SCML4: variants seen among roughly 807,000 people sequenced by gnomAD.
SCML4 encodes sex comb on midleg-like protein 4.
A neutral mutation model predicts 41.1 loss-of-function variants in SCML4; 34 were observed. That is an observed-to-expected ratio of 0.83 (90% confidence interval 0.63 to 1.10). SCML4 has a LOEUF of 1.10. Among genes scored for constraint, SCML4 ranks in the 50% least tolerant of loss-of-function variants. The pLI is 0.00. For synonymous variants in SCML4, 214 were observed against 220.9 expected, an observed-to-expected ratio of 0.97 and a Z score of 0.28; for missense variants, 522 against 534.1, an observed-to-expected ratio of 0.98 and a Z score of 0.22.
intron 1 of SCML4, among the ~76,000 whole-genome samples, chr6:107,784,184 G>T (rs188504783): frequency 1.3e-5 from 2 of 152,242 alleles, no homozygotes; most frequent in East Asian, 3.9e-4. Flanking sequence ...GGGCAGAATG[G>T]GAAAACTTGT....
chr6:107,749,870 C>T (rs1778469119), intron 2 of SCML4, 57 bp from the exon 3 acceptor site: 2 of 1,584,908 alleles, frequency 1.3e-6, no homozygotes, highest in South Asian at 2.2e-5. Flanking sequence ...CTACACTCTT[C>T]CAGATTCTGT....
intron 2 of SCML4, among the ~76,000 whole-genome samples, chr6:107,768,086 C>A (rs1160646491): frequency 7.1e-6 from 1 of 140,166 alleles, no homozygotes; most frequent in Non-Finnish European, 1.5e-5. Context: ...CTCGGTGAGA[C>A]TTCATCTGTA....
At chr6:107,714,073 A>G (rs1203568734) in intron 6 of SCML4, among the ~76,000 whole-genome samples, 1 of 152,162 alleles carries the variant, frequency 6.6e-6, no homozygotes, top group Non-Finnish European at 1.5e-5. Flanking sequence ...CACTCACTCT[A>G]TCCAGAGTTT....
chr6:107,814,617 A>G (rs6568504), intron 1 of SCML4, among the ~76,000 whole-genome samples: 31,892 of 152,166 alleles, frequency 0.21, 3,964 homozygotes, highest in African/African-American at 0.34. Flanking sequence ...CAGTGGCACA[A>G]TCTTGGCCCA....
intron 3 of SCML4, among the ~76,000 whole-genome samples, chr6:107,748,869 T>C (rs1778363099): frequency 6.6e-6 from 1 of 151,888 alleles, no homozygotes; most frequent in African/African-American, 2.4e-5. Flanking sequence ...TGATCTGAGA[T>C]ATAAGGGAGG....
At chr6:107,767,353 A>G (rs941970626) in intron 2 of SCML4, among the ~76,000 whole-genome samples, 3 of 152,160 alleles carry the variant, frequency 2.0e-5, no homozygotes, top group Non-Finnish European at 4.4e-5. Context: ...TCTAATGAAA[A>G]CACATTTAGA....
intron 1 of SCML4, among the ~76,000 whole-genome samples, chr6:107,773,589 CAAAAAAAAA>C (rs5878938): frequency 2.6e-5 from 2 of 76,978 alleles, no homozygotes; most frequent in Non-Finnish European, 5.0e-5. Flanking sequence ...AAGACTGTCT[CAAAAAAAAA>C]AAAAAAAAAA....
At chr6:107,812,880 T>TACAC (rs141469245) in intron 1 of SCML4, among the ~76,000 whole-genome samples, 25,622 of 141,130 alleles carry the variant, frequency 0.18, 2,705 homozygotes, top group East Asian at 0.41. Context: ...CACAGACACA[T>TACAC]ACACACACAC....
chr6:107,817,859 G>A (rs1054768643), intron 1 of SCML4, among the ~76,000 whole-genome samples: 6 of 152,020 alleles, frequency 3.9e-5, no homozygotes. Flanking sequence ...CCTGGAGAGA[G>A]CTTATACTCA....
chr6:107,824,537 A>G, upstream of SCML4, among the ~76,000 whole-genome samples: 1 of 124,542 alleles, frequency 8.0e-6, no homozygotes, highest in African/African-American at 4.4e-5. Flanking sequence ...CCTTCCTCTT[A>G]GCAGCCTAAG....
At chr6:107,749,655 C>T in intron 3 of SCML4, 29 bp downstream of exon 3, 1 of 1,612,558 alleles carries the variant, frequency 6.2e-7, no homozygotes, top group Non-Finnish European at 8.5e-7. Context: ...CAGACCATCA[C>T]AGCCTTGGAG....
At chr6:107,817,143 A>C (rs1784597745) in intron 1 of SCML4, among the ~76,000 whole-genome samples, 1 of 152,162 alleles carries the variant, frequency 6.6e-6, no homozygotes, top group Non-Finnish European at 1.5e-5. Context: ...AAATATAGTC[A>C]TAAAAACAAT....
chr6:107,716,780 A>G (rs1214780876), intron 6 of SCML4, among the ~76,000 whole-genome samples: 1 of 152,184 alleles, frequency 6.6e-6, no homozygotes, highest in Non-Finnish European at 1.5e-5. Flanking sequence ...CTAGGAATGA[A>G]AACCACATTT....
chr6:107,749,865 C>T (rs1332203332), intron 2 of SCML4, 52 bp from the exon 3 acceptor site: 5 of 1,596,202 alleles, frequency 3.1e-6, no homozygotes, highest in Non-Finnish European at 3.4e-6. Flanking sequence ...TCTCTCTACA[C>T]TCTTCCAGAT....
At chr6:107,802,977 C>A (rs1166234623) in intron 1 of SCML4, among the ~76,000 whole-genome samples, 10 of 151,736 alleles carry the variant, frequency 6.6e-5, no homozygotes, top group Non-Finnish European at 1.2e-4. Flanking sequence ...AGCTCCTAAC[C>A]GCGAGTGATC....
chr6:107,751,515 T>C (rs962447395), intron 2 of SCML4, among the ~76,000 whole-genome samples: 5 of 152,186 alleles, frequency 3.3e-5, no homozygotes, highest in Admixed American at 2.0e-4. Context: ...CTTTTAGCTA[T>C]TACTCTTGAA....
At chr6:107,758,650 A>C (rs551476773) in intron 2 of SCML4, among the ~76,000 whole-genome samples, 1 of 152,346 alleles carries the variant, frequency 6.6e-6, no homozygotes, top group Admixed American at 6.5e-5. Flanking sequence ...CTGTTTAGAG[A>C]GAATGCTATG....
chr6:107,747,065 G>C (rs1460520450), intron 3 of SCML4, among the ~76,000 whole-genome samples, 176 bp from the exon 4 acceptor site: 1 of 152,206 alleles, frequency 6.6e-6, no homozygotes, highest in Non-Finnish European at 1.5e-5. Context: ...AGAGGCAAAA[G>C]AGTTAGACAC....
At chr6:107,709,451 A>G (rs1049159700) in intron 6 of SCML4, among the ~76,000 whole-genome samples, 2 of 152,208 alleles carry the variant, frequency 1.3e-5, no homozygotes, top group Non-Finnish European at 2.9e-5. Flanking sequence ...GTGCTCCGCC[A>G]AGGGCGGGAG....
Sources: gnomAD v4.1 joint callset for allele counts (sites outside exome capture counted in the v4.1 genomes callset) on GRCh38, gnomAD v4.1.1 for gene constraint, MANE v1.5 for transcripts, NCBI Gene and HGNC (gene_info 2026-07-23, HGNC 2026-07-21) for gene names.